MEP1A: variants seen among roughly 807,000 people sequenced by gnomAD.
MEP1A encodes N-benzoyl-L-tyrosyl-P-amino-benzoic acid hydrolase subunit alpha.
MEP1A carries 68 observed loss-of-function variants against 84.5 expected under a neutral mutation model. The ratio of observed to expected loss-of-function variants is 0.80; its 90% confidence interval spans 0.66 to 0.98. The LOEUF (loss-of-function observed/expected upper bound fraction) is 0.98. Ranked by LOEUF, MEP1A falls within the 50% of genes least tolerant of loss-of-function variation. The pLI is 0.00. For missense variants in MEP1A, 887 were observed against 919.9 expected (o/e 0.96, Z 0.46); for synonymous variants, 337 against 336.8 (o/e 1.00, Z -0.01).
At chr6:46,840,847 C>A (rs528412519), downstream of MEP1A, among the ~76,000 whole-genome samples, 1 of 152,202 alleles carries the variant, frequency 6.6e-6, no homozygotes, top group Admixed American at 6.5e-5. Context: ...TCTCCAAAGA[C>A]CAGATTGGAA....
At chr6:46,795,094 C>T (rs1767021731) in intron 3 of MEP1A, among the ~76,000 whole-genome samples, 1 of 152,110 alleles carries the variant, frequency 6.6e-6, no homozygotes, top group Non-Finnish European at 1.5e-5. Flanking sequence ...CTTTTTGCCT[C>T]ACAAGGCTGA....
intron 10 of MEP1A, 122 bp downstream of exon 10, chr6:46,829,693 C>T: frequency 1.4e-6 from 1 of 712,768 alleles, no homozygotes. Context: ...TTCCTCCACC[C>T]ACTTTCTTCT....
chr6:46,800,581 C>G (rs1038773559), intron 5 of MEP1A, among the ~76,000 whole-genome samples: 56 of 152,242 alleles, frequency 3.7e-4, no homozygotes, highest in African/African-American at 1.3e-3. Context: ...CAAGCAATAC[C>G]ACGTGAAGGT....
intron 7 of MEP1A, 121 bp downstream of exon 7, chr6:46,819,825 G>A: frequency 9.1e-7 from 1 of 1,104,626 alleles, no homozygotes; most frequent in South Asian, 1.5e-5. Flanking sequence ...AGACTCTGAA[G>A]AGGTTATGAT....
At position 46,835,437 on chromosome 6, in the gene MEP1A, A is replaced by G. The variant is rs1195987772; in HGVS notation, c.1972A>G (p.Thr658Ala). Residue 658 changes from threonine (T) to alanine (A), a missense_variant, in exon 13 of 14, where the codon ACA becomes GCA. Physicochemically the swap from Thr to Ala is moderately conservative, Grantham distance 58. Coordinates refer to ENST00000230588, the MANE Select transcript of MEP1A (RefSeq NM_005588.3). ...CCGACAGAAGCGGTCGGTGGAGAAC[A>G]CAGGCCCCCTGGAGGACCATAACTG... is the stretch of plus-strand genomic sequence containing the variant. ...PSRQKRSVENTGPLEDHNWPQ... is the reference protein window; with the variant it reads ...PSRQKRSVENAGPLEDHNWPQ... The G allele has an allele frequency of 1.9e-6, 3 of 1,612,430 alleles. No individual in the cohort carries two copies. Among genetic ancestry groups the G allele is most frequent in the Admixed American group, 3.3e-5 (2 of 59,834 alleles).
chr6:46,796,148 G>T (rs934218500), intron 3 of MEP1A, among the ~76,000 whole-genome samples: 7 of 152,166 alleles, frequency 4.6e-5, no homozygotes, highest in African/African-American at 1.7e-4. Flanking sequence ...AACTTGTTAG[G>T]AATGAACATT....
At chr6:46,830,247 T>TAAAAAAAA (rs56033423) in intron 10 of MEP1A, among the ~76,000 whole-genome samples, 2 of 50,092 alleles carry the variant, frequency 4.0e-5, no homozygotes, top group African/African-American at 1.6e-4. Flanking sequence ...AGACTCCATC[T>TAAAAAAAA]AAAAAAAAAA....
chr6:46,833,732 A>T (rs1768133795), intron 11 of MEP1A, among the ~76,000 whole-genome samples, 194 bp downstream of exon 11: 1 of 152,106 alleles, frequency 6.6e-6, no homozygotes, highest in South Asian at 2.1e-4. Flanking sequence ...AAATTCACTC[A>T]TCAAACATCT....
Position 46,819,546 on chromosome 6 carries a change from G to A in MEP1A, c.398G>A (p.Gly133Asp), listed in dbSNP as rs751987222. 2.5e-6 allele frequency: 4 copies of A among 1,611,494 alleles called. No individual in the cohort carries two copies. The highest frequency in any genetic ancestry group is 2.2e-5 in the East Asian group (1 of 44,794). The change falls in exon 7 of 14, where the codon GGT (glycine) becomes GAT (aspartate). Residue 133 changes from glycine (G) to aspartate (D), a missense_variant. Transcript: ENST00000230588. ...QQFDGCWSEV[G>D]DQHVGQNISI... ...CTTTAAAGGTGCTGGTCTGAGGTTG[G>A]TGACCAACATGTGGGACAGAACATT...
rs533781897 is a variant in MEP1A, at chr6:46,803,863, G to T, written c.262+4682G>T. ...TTGTGAATATTTTCATCCATGGATG[G>T]GATAAAAGTATGTTTACATTTTTAA... On this transcript the variant is annotated intron_variant, in intron 5 of 13. Coordinates refer to ENST00000230588, the MANE Select transcript of MEP1A (RefSeq NM_005588.3). Among the ~76,000 whole-genome samples, 203 of 151,500 alleles carry T rather than the reference G, an allele frequency of 1.3e-3. 1 individual carries two copies. Among genetic ancestry groups the T allele is most frequent in the African/African-American group, 4.8e-3 (199 of 41,432 alleles).
chr6:46,833,036 T>C, intron 10 of MEP1A, 38 bp from the exon 11 acceptor site: 1 of 1,170,626 alleles, frequency 8.5e-7, no homozygotes, highest in East Asian at 2.4e-5. Context: ...CATTAAGTGT[T>C]GGTCACAGTT....
intron 6 of MEP1A, among the ~76,000 whole-genome samples, chr6:46,810,083 A>T (rs959070004): frequency 1.3e-5 from 2 of 152,052 alleles, no homozygotes; most frequent in African/African-American, 4.8e-5. Context: ...TCCCACCCAC[A>T]GTGTAAAAGT....
chr6:46,799,348 A>G (rs1244999689), intron 5 of MEP1A, among the ~76,000 whole-genome samples, 167 bp downstream of exon 5: 1 of 152,244 alleles, frequency 6.6e-6, no homozygotes, highest in Non-Finnish European at 1.5e-5. Flanking sequence ...CATCAAAAGC[A>G]TTGCTGCTTA....
At chr6:46,796,206 G>T (rs1359915664) in intron 3 of MEP1A, among the ~76,000 whole-genome samples, 1 of 152,168 alleles carries the variant, frequency 6.6e-6, no homozygotes. Context: ...AACGGTGGGG[G>T]CTCATCAACG....
At chr6:46,824,625 TTATA>T (rs1224361861) in intron 7 of MEP1A, among the ~76,000 whole-genome samples, 2 of 133,816 alleles carry the variant, frequency 1.5e-5, no homozygotes, top group Admixed American at 7.6e-5. Context: ...TATATATAAA[TTATA>T]TATTTAAATA....
rs1767132389 is a variant in MEP1A, at chr6:46,799,040, G to C, written c.187-66G>C. 1.2e-5 allele frequency: 11 copies of C among 955,108 alleles called. No individual in the cohort carries two copies. In the Admixed American group the frequency reaches 1.9e-4, roughly 17 times the overall value. 59.2% of individuals were successfully genotyped at this position (955,108 alleles called of 1,614,324 possible). On this transcript the variant is annotated intron_variant, in intron 4 of 13. Transcript: ENST00000230588. The stretch of plus-strand genomic sequence containing the variant: ...ACTGTTTGCTCTGTGAGAGTTTAGT[G>C]AAGGAGGAGGTCAAGGTGACCTTGA...
chr6:46,822,707 C>A (rs781048463), intron 7 of MEP1A, among the ~76,000 whole-genome samples: 6 of 152,048 alleles, frequency 3.9e-5, no homozygotes, highest in African/African-American at 7.2e-5. Flanking sequence ...CCATGCCCAG[C>A]TAATTTTTGT....
intron 12 of MEP1A, 148 bp downstream of exon 12, chr6:46,834,899 G>A (rs1768176272): frequency 1.6e-6 from 1 of 631,822 alleles, no homozygotes; most frequent in Non-Finnish European, 2.7e-6. Flanking sequence ...ATTGGTCAAG[G>A]ACTCACATCT....
chr6:46,818,389 A>C (rs1018720522), intron 6 of MEP1A, among the ~76,000 whole-genome samples: 1 of 152,198 alleles, frequency 6.6e-6, no homozygotes, highest in Non-Finnish European at 1.5e-5. Flanking sequence ...TGAAACTTGC[A>C]ATCCATTGGT....
Sources: gnomAD v4.1 joint callset for allele counts (sites outside exome capture counted in the v4.1 genomes callset) on GRCh38, gnomAD v4.1.1 for gene constraint, MANE v1.5 for transcripts, NCBI Gene and HGNC (gene_info 2026-07-23, HGNC 2026-07-21) for gene names.